IMMP2L: variants seen among roughly 807,000 people sequenced by gnomAD.
IMMP2L encodes the protein inner mitochondrial membrane peptidase subunit 2.
IMMP2L carries 18 observed loss-of-function variants against 19.3 expected under a neutral mutation model. The observed-to-expected ratio is 0.93, with a 90% CI of 0.64 to 1.38. IMMP2L has a LOEUF of 1.38. IMMP2L is among the 40% of genes most tolerant of loss of function. The probability of loss-of-function intolerance (pLI) is 0.00; values close to 1 mark genes in which losing one functional copy is unlikely to be tolerated. For synonymous variants in IMMP2L, 76 were observed against 73.0 expected (o/e 1.04, Z -0.21); for missense variants, 233 against 218.2 (o/e 1.07, Z -0.43).
chr7:111,441,754 A>G (rs1837748129), intron 3 of IMMP2L, among the ~76,000 whole-genome samples: 1 of 151,670 alleles, frequency 6.6e-6, no homozygotes, highest in Non-Finnish European at 1.5e-5. Context: ...CAGTATCTGC[A>G]AAGTGCAATG....
intron 3 of IMMP2L, among the ~76,000 whole-genome samples, chr7:111,378,465 G>C (rs1027038125): frequency 6.6e-6 from 1 of 151,776 alleles, no homozygotes; most frequent in African/African-American, 2.4e-5. Flanking sequence ...ACATTTATTA[G>C]TACTTACTAA....
At chr7:111,539,223 A>G (rs1223157650) in intron 1 of IMMP2L, among the ~76,000 whole-genome samples, 41 of 123,712 alleles carry the variant, frequency 3.3e-4, no homozygotes, top group African/African-American at 1.2e-3. Context: ...AGAAAGAAAG[A>G]AAGAAAGAAA....
Position 111,133,666 on chromosome 7 carries a change from C to T in IMMP2L, c.240-170101G>A, listed in dbSNP as rs143204889. On this transcript the variant is annotated intron_variant, in intron 3 of 5. Transcript: ENST00000405709. ...ATTAATTTATAAGGGTACAAAGATT[C>T]GTTTGTCATATTTCAATCCTAACTC... Among the ~76,000 whole-genome samples the T allele has an allele frequency of 5.3e-5, 8 of 152,102 alleles. No individual in the cohort carries two copies. In the East Asian group the frequency reaches 1.2e-3, roughly 22 times the overall value.
intron 5 of IMMP2L, among the ~76,000 whole-genome samples, chr7:110,878,253 G>C (rs1171471915): frequency 6.6e-6 from 1 of 152,140 alleles, no homozygotes; most frequent in East Asian, 1.9e-4. Context: ...CATGTATGTA[G>C]TTGAGGGTAT....
At chr7:111,162,863 C>G (rs1426844388) in intron 3 of IMMP2L, among the ~76,000 whole-genome samples, 2 of 152,008 alleles carry the variant, frequency 1.3e-5, no homozygotes, top group Admixed American at 1.3e-4. Flanking sequence ...CACTAAGAGA[C>G]TTGAACAAAC....
chr7:111,458,915 C>A (rs1013119074), intron 3 of IMMP2L, among the ~76,000 whole-genome samples: 15 of 152,148 alleles, frequency 9.9e-5, no homozygotes, highest in Non-Finnish European at 2.1e-4. Flanking sequence ...CTCCTAATCT[C>A]CTTGTATATA....
At chr7:111,392,704 A>G (rs1218183248) in intron 3 of IMMP2L, 1 of 454,970 alleles carries the variant, frequency 2.2e-6, no homozygotes, top group Non-Finnish European at 4.4e-6. Flanking sequence ...CTTCTGTCCA[A>G]CTTGGCTATA....
intron 3 of IMMP2L, among the ~76,000 whole-genome samples, chr7:111,193,235 G>A (rs140765550): frequency 2.0e-4 from 31 of 152,232 alleles, no homozygotes; most frequent in East Asian, 7.7e-4. Context: ...AAAGAAAGTC[G>A]ATGGGTGTCT....
At chr7:111,544,422 G>C (rs779779583) in intron 1 of IMMP2L, among the ~76,000 whole-genome samples, 11 of 152,050 alleles carry the variant, frequency 7.2e-5, no homozygotes, top group African/African-American at 2.4e-4. Context: ...GGCTCCTACC[G>C]ACTCTATGAA....
At chr7:110,938,293 G>A (rs548178702) in intron 4 of IMMP2L, among the ~76,000 whole-genome samples, 18 of 152,160 alleles carry the variant, frequency 1.2e-4, no homozygotes, top group African/African-American at 2.9e-4. Flanking sequence ...AACAATGTCC[G>A]CAAATGCCTC....
intron 3 of IMMP2L, among the ~76,000 whole-genome samples, chr7:111,016,886 T>C (rs1417128673): frequency 5.5e-5 from 5 of 90,394 alleles, no homozygotes; most frequent in African/African-American, 1.8e-4. Flanking sequence ...ATATATATTA[T>C]ATATAATATA....
intron 5 of IMMP2L, among the ~76,000 whole-genome samples, chr7:110,791,083 T>C (rs1055845185): frequency 3.3e-5 from 5 of 151,198 alleles, no homozygotes; most frequent in Admixed American, 1.3e-4. Context: ...TTACAGATAC[T>C]GGGGGGAAAA....
intron 5 of IMMP2L, among the ~76,000 whole-genome samples, chr7:110,774,003 C>T (rs1045242556): frequency 2.0e-5 from 3 of 151,780 alleles, no homozygotes; most frequent in African/African-American, 7.2e-5. Context: ...AATCAAATTA[C>T]TTTCTTTTTG....
At chr7:111,114,596 T>C (rs214875) in intron 3 of IMMP2L, among the ~76,000 whole-genome samples, 135,875 of 151,830 alleles carry the variant, frequency 0.89, 60,890 homozygotes, top group East Asian at 0.94. Context: ...ATTCGCTGGG[T>C]GTGGTGGCAG....
intron 5 of IMMP2L, among the ~76,000 whole-genome samples, chr7:110,819,502 G>A (rs1436576655): frequency 6.6e-6 from 1 of 152,040 alleles, no homozygotes; most frequent in Non-Finnish European, 1.5e-5. Flanking sequence ...GATCCCATAA[G>A]TGTGCTGGTG....
intron 3 of IMMP2L, among the ~76,000 whole-genome samples, chr7:111,482,733 CAG>C (rs1194089361): frequency 6.6e-6 from 1 of 152,134 alleles, no homozygotes; most frequent in Non-Finnish European, 1.5e-5. Flanking sequence ...CCTAGTCAGA[CAG>C]AGTTTCTCCT....
intron 3 of IMMP2L, among the ~76,000 whole-genome samples, chr7:111,263,103 T>G (rs967481137): frequency 6.6e-6 from 1 of 152,082 alleles, no homozygotes; most frequent in African/African-American, 2.4e-5. Context: ...GGCCTTTGAC[T>G]TCTGCTCTGA....
chr7:111,036,741 TA>T (rs1019169860), intron 3 of IMMP2L, among the ~76,000 whole-genome samples: 4 of 152,280 alleles, frequency 2.6e-5, no homozygotes, highest in African/African-American at 9.6e-5. Context: ...TATATTCTTG[TA>T]AAAGTGTATT....
intron 3 of IMMP2L, among the ~76,000 whole-genome samples, chr7:111,440,634 T>A (rs762373037): frequency 3.3e-5 from 5 of 151,856 alleles, no homozygotes; most frequent in Non-Finnish European, 7.3e-5. Flanking sequence ...TTAAGGGGCC[T>A]AGGATTTTCA....
Sources: allele counts gnomAD v4.1 joint callset (sites outside exome capture counted in the v4.1 genomes callset), GRCh38; gene constraint gnomAD v4.1.1; transcripts MANE v1.5; gene names NCBI Gene and HGNC (gene_info 2026-07-23, HGNC 2026-07-21).